Variants in TRAM2 observed in about 807,000 individuals in gnomAD.
The protein encoded by TRAM2 is translocating chain-associated membrane protein 2.
Under a neutral mutation model 51.0 loss-of-function variants are expected in TRAM2, and 12 were observed. The ratio of observed to expected loss-of-function variants is 0.24; its 90% confidence interval spans 0.15 to 0.38. TRAM2 has a LOEUF of 0.38. Ranked by LOEUF, TRAM2 falls within the 10% of genes least tolerant of loss-of-function variation. The probability of loss-of-function intolerance (pLI) is 1.00; values close to 1 mark genes in which losing one functional copy is unlikely to be tolerated. For missense variants in TRAM2, 361 were observed against 462.0 expected (o/e 0.78, Z 2.00); for synonymous variants, 175 against 179.4 (o/e 0.98, Z 0.20).
At position 52,545,629 on chromosome 6, in the gene TRAM2, C is replaced by A. The variant is rs548000523; in HGVS notation, c.121-9783G>T. ...CCCACCCCCACCTATTGCACACATA[C>A]CCAAGGCCACACAAGGAACCAAGGC... On this transcript the variant is annotated intron_variant, in intron 1 of 10. Transcript: ENST00000182527. Among the ~76,000 whole-genome samples the A allele has an allele frequency of 1.2e-3, 172 of 140,996 alleles. 3 individuals are homozygous for A. Among genetic ancestry groups the A allele is most frequent in the East Asian group, 2.3e-4 (1 of 4,300 alleles). The allele number at this position is 140,996 out of a possible 152,430, so 92.5% of individuals were successfully genotyped here. A position where few individuals can be genotyped will look rare whatever the true frequency, so the allele number is the denominator to read the frequency against.
intron 1 of TRAM2, among the ~76,000 whole-genome samples, chr6:52,564,715 T>A (rs1767561200): frequency 6.6e-6 from 1 of 152,156 alleles, no homozygotes. Context: ...CACCTCTTCA[T>A]CCTTTATCCC....
At position 52,521,489 on chromosome 6, in the gene TRAM2, C is replaced by T. The variant is rs970287261; in HGVS notation, c.185-4752G>A. Among the ~76,000 whole-genome samples the T allele has an allele frequency of 4.0e-5, 6 of 151,438 alleles. No homozygotes were observed. The South Asian group carries it at 6.3e-4, about 16-fold the overall frequency. On this transcript the variant is annotated intron_variant, in intron 2 of 10. Coordinates refer to ENST00000182527, the MANE Select transcript of TRAM2 (RefSeq NM_012288.4). The stretch of plus-strand genomic sequence containing the variant: ...CAGGCGGATCAAGAGATCAGGAGCT[C>T]GAGACCATCCTGGCTAACATGGTGA...
Position 52,505,715 on chromosome 6 carries a change from C to T in TRAM2, c.759G>A (p.Gly253=). The change falls in exon 9 of 11, where the codon GGG becomes GGA. Residue 253 remains glycine (G), a synonymous_variant. Transcript: ENST00000182527. Reference sequence around the variant, plus strand: ...GGGTGAGGATGAAGAGGCGGGTAACCCCAAAAACAGCAGCCCAGGCACTGA... The same window carrying T: ...GGGTGAGGATGAAGAGGCGGGTAACTCCAAAAACAGCAGCCCAGGCACTGA... ...KLFSAWAAVF[G]VTRLFILTLA... 6.2e-7 allele frequency: 1 copy of T among 1,612,320 alleles called. No individual in the cohort carries two copies. Among genetic ancestry groups the T allele is most frequent in the Non-Finnish European group, 8.5e-7 (1 of 1,178,942 alleles).
At chr6:52,516,276 G>A (rs1015343973) in intron 3 of TRAM2, 154 bp from the exon 4 acceptor site, 2 of 685,152 alleles carry the variant, frequency 2.9e-6, no homozygotes, top group Non-Finnish European at 5.0e-6. Flanking sequence ...CCTACTGCGT[G>A]CATACAGTGC....
chr6:52,528,372 GTC>G (rs1258406092), intron 2 of TRAM2, among the ~76,000 whole-genome samples: 3 of 151,998 alleles, frequency 2.0e-5, no homozygotes, highest in Admixed American at 6.6e-5. Context: ...CTGCCCACCT[GTC>G]TCTTTCCTTT....
intron 2 of TRAM2, among the ~76,000 whole-genome samples, chr6:52,525,968 A>G (rs1251238193): frequency 6.6e-6 from 1 of 152,148 alleles, no homozygotes; most frequent in Non-Finnish European, 1.5e-5. Flanking sequence ...GATGACGACC[A>G]TTTACAAGCC....
At chr6:52,574,748 A>T (rs1767735477) in intron 1 of TRAM2, among the ~76,000 whole-genome samples, 1 of 152,128 alleles carries the variant, frequency 6.6e-6, no homozygotes, top group Admixed American at 6.5e-5. Context: ...ACACCTTTCA[A>T]CTTTTAGAGT....
At chr6:52,551,189 G>A (rs1767302251) in intron 1 of TRAM2, among the ~76,000 whole-genome samples, 1 of 152,122 alleles carries the variant, frequency 6.6e-6, no homozygotes, top group African/African-American at 2.4e-5. Flanking sequence ...AGGCTGCAGT[G>A]ACAAATATGA....
intron 2 of TRAM2, among the ~76,000 whole-genome samples, chr6:52,522,022 T>C (rs1221182703): frequency 6.6e-6 from 1 of 152,226 alleles, no homozygotes; most frequent in African/African-American, 2.4e-5. Context: ...ATAGCTGCTT[T>C]CAATACAGAG....
chr6:52,514,011 G>A (rs1460598806), intron 4 of TRAM2, among the ~76,000 whole-genome samples: 9 of 152,106 alleles, frequency 5.9e-5, no homozygotes, highest in South Asian at 2.1e-4. Context: ...TGCATTAAAC[G>A]CCATATCGTA....
intron 7 of TRAM2, among the ~76,000 whole-genome samples, chr6:52,506,916 G>A (rs141442313): frequency 6.6e-6 from 1 of 152,212 alleles, no homozygotes; most frequent in Non-Finnish European, 1.5e-5. Context: ...TACACACAGT[G>A]AGCTCTGTAA....
chr6:52,509,616 G>A (rs778383028), intron 4 of TRAM2, 30 bp from the exon 5 acceptor site: 1 of 1,612,640 alleles, frequency 6.2e-7, no homozygotes, highest in Admixed American at 1.7e-5. Context: ...AGACCATTTA[G>A]AGATGTGGAC....
intron 1 of TRAM2, among the ~76,000 whole-genome samples, chr6:52,566,101 GAC>G (rs1040505704): frequency 3.3e-5 from 5 of 152,134 alleles, no homozygotes; most frequent in African/African-American, 1.2e-4. Context: ...AAGTCCATAG[GAC>G]ACTTCAGTGA....
chr6:52,531,188 G>C (rs1309741954), intron 2 of TRAM2, among the ~76,000 whole-genome samples: 1 of 151,630 alleles, frequency 6.6e-6, no homozygotes, highest in African/African-American at 2.4e-5. Flanking sequence ...TTTGGGGAGG[G>C]TTTTAAAAAT....
chr6:52,546,761 A>G (rs535649961), intron 1 of TRAM2, among the ~76,000 whole-genome samples: 6 of 152,234 alleles, frequency 3.9e-5, no homozygotes, highest in African/African-American at 1.4e-4. Flanking sequence ...GGAAACCCAG[A>G]AGGAGCCCAG....
intron 1 of TRAM2, among the ~76,000 whole-genome samples, chr6:52,555,910 G>T (rs1304080806): frequency 4.6e-5 from 7 of 152,094 alleles, no homozygotes; most frequent in African/African-American, 1.4e-4. Context: ...TATAAAAGTG[G>T]TATTTACACA....
At chr6:52,543,881 T>A (rs1244809650) in intron 1 of TRAM2, among the ~76,000 whole-genome samples, 4 of 152,332 alleles carry the variant, frequency 2.6e-5, no homozygotes, top group Non-Finnish European at 5.9e-5. Context: ...GGTCTCCACA[T>A]ACTCAGGGTA....
intron 2 of TRAM2, among the ~76,000 whole-genome samples, chr6:52,518,227 G>A (rs754360691): frequency 2.8e-4 from 43 of 152,134 alleles, no homozygotes; most frequent in Non-Finnish European, 5.7e-4. Context: ...GAACAGAACG[G>A]CATTGGAACT....
chr6:52,517,619 C>A (rs1766575877), intron 2 of TRAM2, among the ~76,000 whole-genome samples: 1 of 152,244 alleles, frequency 6.6e-6, no homozygotes, highest in Non-Finnish European at 1.5e-5. Context: ...GGGCAGCAGG[C>A]TGCGGGGCTG....
Sources: allele counts gnomAD v4.1 joint callset (sites outside exome capture counted in the v4.1 genomes callset), GRCh38; gene constraint gnomAD v4.1.1; transcripts MANE v1.5; gene names NCBI Gene and HGNC (gene_info 2026-07-23, HGNC 2026-07-21).